Variants in METTL25 observed in about 807,000 individuals in gnomAD.
The protein encoded by METTL25 is probable methyltransferase-like protein 25.
A neutral mutation model predicts 71.6 loss-of-function variants in METTL25; 64 were observed. The ratio of observed to expected loss-of-function variants is 0.89; its 90% CI spans 0.73 to 1.10. The LOEUF (loss-of-function observed/expected upper bound fraction) is 1.10, where lower values mean the gene tolerates loss of function less well. Among genes scored for constraint, METTL25 ranks in the 50% least tolerant of loss-of-function variants. The pLI is 0.00. For missense variants in METTL25, 807 were observed against 707.0 expected (o/e 1.14, Z -1.60); for synonymous variants, 287 against 250.3 (o/e 1.15, Z -1.38).
At chr12:82,382,051 T>A (rs1455228440) in intron 1 of METTL25, among the ~76,000 whole-genome samples, 1 of 152,196 alleles carries the variant, frequency 6.6e-6, no homozygotes, top group Non-Finnish European at 1.5e-5. Flanking sequence ...ATGTAAAGGC[T>A]TTTAGCTTTG....
At chr12:82,450,569 A>G (rs1376597371) in intron 8 of METTL25, among the ~76,000 whole-genome samples, 1 of 152,020 alleles carries the variant, frequency 6.6e-6, no homozygotes, top group Non-Finnish European at 1.5e-5. Context: ...TGATATTTTT[A>G]AGTGGGCTCC....
At chr12:82,388,343 C>T (rs536119335) in intron 2 of METTL25, among the ~76,000 whole-genome samples, 3 of 152,030 alleles carry the variant, frequency 2.0e-5, no homozygotes, top group East Asian at 3.9e-4. Flanking sequence ...CCATTTTAAG[C>T]AAAATTATTT....
chr12:82,363,186 C>T (rs1056252732), intron 1 of METTL25, among the ~76,000 whole-genome samples: 1 of 152,210 alleles, frequency 6.6e-6, no homozygotes, highest in Admixed American at 6.5e-5. Flanking sequence ...CTTAACTCCA[C>T]ATGCCTGGGA....
chr12:82,399,199 T>G lies in METTL25; in HGVS notation c.936T>G (p.Phe312Leu). 3.1e-6 allele frequency: 5 copies of G among 1,613,276 alleles called. No homozygotes were observed. The highest frequency in any genetic ancestry group is 4.2e-6 in the Non-Finnish European group (5 of 1,179,720). ...QEENLCFENS[F>L]SLINLLPINA... Reference sequence around the variant, plus strand: ...AAAATTTGTGTTTTGAAAATTCCTTTTCTCTTATAAACCTTTTGCCTATTA... The same window carrying G: ...AAAATTTGTGTTTTGAAAATTCCTTGTCTCTTATAAACCTTTTGCCTATTA... Residue 312 changes from phenylalanine to leucine, a missense_variant, in exon 4 of 12, where the codon TTT (phenylalanine) becomes TTG (leucine). Phe to Leu is a conservative substitution (Grantham distance 22, BLOSUM62 0). Transcript: ENST00000248306.
intron 5 of METTL25, among the ~76,000 whole-genome samples, chr12:82,425,205 C>T (rs1888915531): frequency 6.6e-6 from 1 of 152,000 alleles, no homozygotes; most frequent in Non-Finnish European, 1.5e-5. Flanking sequence ...TTTATTATGC[C>T]CACCTTGTGC....
At chr12:82,427,466 C>T (rs543612692) in intron 5 of METTL25, among the ~76,000 whole-genome samples, 11 of 151,848 alleles carry the variant, frequency 7.2e-5, no homozygotes, top group Non-Finnish European at 1.5e-4. Flanking sequence ...ATATGCTGTA[C>T]CCCTTTCAAT....
intron 5 of METTL25, among the ~76,000 whole-genome samples, chr12:82,412,106 A>G (rs1408290381): frequency 6.6e-6 from 1 of 152,130 alleles, no homozygotes; most frequent in Non-Finnish European, 1.5e-5. Context: ...TCAGACTCAC[A>G]TTAAGAAACA....
intron 8 of METTL25, among the ~76,000 whole-genome samples, chr12:82,455,969 G>A (rs925482564): frequency 5.3e-5 from 8 of 151,862 alleles, no homozygotes; most frequent in Admixed American, 2.6e-4. Context: ...TTGAGATGCC[G>A]TCTTGAAATT....
intron 9 of METTL25, among the ~76,000 whole-genome samples, chr12:82,473,620 G>A (rs1018936948): frequency 2.0e-5 from 3 of 152,164 alleles, no homozygotes; most frequent in African/African-American, 7.2e-5. Context: ...GTAGCTCAGC[G>A]GGTGCAGCAC....
chr12:82,423,808 G>A (rs1281901196), intron 5 of METTL25, among the ~76,000 whole-genome samples: 4 of 152,158 alleles, frequency 2.6e-5, no homozygotes, highest in East Asian at 1.9e-4. Context: ...CTGGCCATCC[G>A]ATAAATGCAA....
intron 1 of METTL25, among the ~76,000 whole-genome samples, chr12:82,382,387 ATGTTTTAAATCACCTTTTTCTCATCCTG>A (rs1884523184): frequency 6.6e-6 from 1 of 152,168 alleles, no homozygotes; most frequent in African/African-American, 2.4e-5. Context: ...CACATTCTAA[ATGTTTTAAATCACCTTTTTCTCATCCTG>A]AGATTATAAA....
At chr12:82,387,081 A>G (rs1393710057) in intron 2 of METTL25, 114 bp downstream of exon 2, 10 of 819,998 alleles carry the variant, frequency 1.2e-5, no homozygotes, top group Non-Finnish European at 1.8e-5. Flanking sequence ...ACCTTAATAT[A>G]TAAGCCCTGA....
intron 1 of METTL25, among the ~76,000 whole-genome samples, chr12:82,360,072 A>T (rs550117770): frequency 6.6e-6 from 1 of 152,210 alleles, no homozygotes; most frequent in Non-Finnish European, 1.5e-5. Flanking sequence ...TTGGTAAAAT[A>T]CTTGGCATAC....
chr12:82,399,434 A>C (rs780918555), intron 4 of METTL25, 40 bp downstream of exon 4: 1 of 1,437,208 alleles, frequency 7.0e-7, no homozygotes, highest in East Asian at 2.3e-5. Flanking sequence ...ATTTACAAAA[A>C]CATTGTATTC....
chr12:82,409,765 C>A (rs1565839998), intron 5 of METTL25, among the ~76,000 whole-genome samples: 1 of 152,082 alleles, frequency 6.6e-6, no homozygotes, highest in East Asian at 1.9e-4. Context: ...TTACCCCCAG[C>A]CTTAATATGA....
At chr12:82,450,759 A>G (rs1402117767) in intron 8 of METTL25, among the ~76,000 whole-genome samples, 2 of 152,148 alleles carry the variant, frequency 1.3e-5, no homozygotes, top group African/African-American at 4.8e-5. Context: ...TGAAAATACC[A>G]GAAACACTTC....
chr12:82,414,144 A>G (rs1183987360), intron 5 of METTL25, among the ~76,000 whole-genome samples: 1 of 152,128 alleles, frequency 6.6e-6, no homozygotes, highest in African/African-American at 2.4e-5. Context: ...GTAGATGAGT[A>G]AACTTTACTG....
chr12:82,408,232 G>A (rs182265072), intron 5 of METTL25, among the ~76,000 whole-genome samples: 11 of 152,244 alleles, frequency 7.2e-5, no homozygotes, highest in Non-Finnish European at 1.5e-4. Flanking sequence ...ATTATTTATA[G>A]TTATTGTTCT....
chr12:82,444,704 A>C (rs1396167404), intron 8 of METTL25, among the ~76,000 whole-genome samples: 1 of 152,162 alleles, frequency 6.6e-6, no homozygotes, highest in African/African-American at 2.4e-5. Flanking sequence ...ACAAAATGGC[A>C]GTAGTAATTC....
Sources: allele counts gnomAD v4.1 joint callset (sites outside exome capture counted in the v4.1 genomes callset), GRCh38; gene constraint gnomAD v4.1.1; transcripts MANE v1.5; gene names NCBI Gene and HGNC (gene_info 2026-07-23, HGNC 2026-07-21).